MPP7: variants seen among roughly 807,000 people sequenced by gnomAD.
MPP7 encodes MAGUK p55 subfamily member 7.
In MPP7, 60 loss-of-function variants were observed where a neutral mutation model predicts 76.5. That is an observed-to-expected ratio of 0.78 (90% CI 0.64 to 0.97). MPP7 has a LOEUF of 0.97. Ranked by LOEUF, MPP7 falls within the 50% of genes least tolerant of loss-of-function variation. The probability of loss-of-function intolerance (pLI) is 0.00; values close to 1 mark genes in which losing one functional copy is unlikely to be tolerated. For synonymous variants in MPP7, 237 were observed against 244.5 expected (o/e 0.97, Z 0.29); for missense variants, 641 against 694.0 (o/e 0.92, Z 0.86).
At chr10:28,156,600 G>A (rs756280086) in intron 3 of MPP7, among the ~76,000 whole-genome samples, 2 of 152,140 alleles carry the variant, frequency 1.3e-5, no homozygotes, top group African/African-American at 2.4e-5. Flanking sequence ...CACAGGAAAG[G>A]CAGACAGTAA....
In MPP7 at chr10:28,173,227, GA is replaced by G. The variant is rs71523597; in HGVS notation, c.157-23169del. On this transcript the variant is annotated intron_variant, in intron 3 of 16. Coordinates refer to ENST00000683449, the MANE Select transcript of MPP7 (RefSeq NM_001318170.2). ...TCAGACTCAATAGGTGAGTAGCGAT[GA>G]AAAAAAAAAAAAAGACAAAAAGAAT... Among the ~76,000 whole-genome samples the G allele has an allele frequency of 4.9e-3, 571 of 116,446 alleles. 2 individuals are homozygous for G. Among genetic ancestry groups the G allele is most frequent in the Middle Eastern group, 0.019 (4 of 208 alleles). The allele number at this position is 116,446 out of a possible 152,430, so 76.4% of individuals were successfully genotyped here.
At chr10:28,313,738 G>T (rs1841302661) in intron 2 of MPP7, among the ~76,000 whole-genome samples, 1 of 152,018 alleles carries the variant, frequency 6.6e-6, no homozygotes, top group African/African-American at 2.4e-5. Context: ...CCAGGTTGGA[G>T]TACAGTGGCA....
chr10:28,057,847 T>C, intron 15 of MPP7: 1 of 1,246,348 alleles, frequency 8.0e-7, no homozygotes, highest in Non-Finnish European at 1.0e-6. Flanking sequence ...GAAACCATGG[T>C]CCCTGGGGGA....
At chr10:28,236,394 A>C (rs1474445882) in intron 2 of MPP7, among the ~76,000 whole-genome samples, 1 of 152,216 alleles carries the variant, frequency 6.6e-6, no homozygotes, top group Non-Finnish European at 1.5e-5. Context: ...ACACGGAAAT[A>C]TCTCTCCAAG....
At chr10:28,059,111 C>T (rs757873979) in intron 14 of MPP7, among the ~76,000 whole-genome samples, 3 of 152,190 alleles carry the variant, frequency 2.0e-5, no homozygotes, top group Non-Finnish European at 4.4e-5. Flanking sequence ...TGCATTAAAA[C>T]ACATATTGCT....
chr10:28,196,088 T>G (rs1046294940), intron 3 of MPP7, among the ~76,000 whole-genome samples: 2 of 152,204 alleles, frequency 1.3e-5, no homozygotes, highest in African/African-American at 4.8e-5. Context: ...ATTGCATATC[T>G]GAAATTCAAC....
intron 11 of MPP7, among the ~76,000 whole-genome samples, chr10:28,096,089 G>A (rs1853557694): frequency 6.6e-6 from 1 of 152,140 alleles, no homozygotes; most frequent in Non-Finnish European, 1.5e-5. Flanking sequence ...TTTGGTGAAA[G>A]TTAAAAATTT....
chr10:28,070,327 A>T (rs1852184224), intron 12 of MPP7, among the ~76,000 whole-genome samples: 2 of 152,162 alleles, frequency 1.3e-5, no homozygotes, highest in Admixed American at 6.5e-5. Context: ...TGAACCCGGG[A>T]GGCGGAGCTT....
At chr10:28,097,496 A>G (rs977412429) in intron 11 of MPP7, among the ~76,000 whole-genome samples, 3 of 152,098 alleles carry the variant, frequency 2.0e-5, no homozygotes, top group African/African-American at 7.2e-5. Flanking sequence ...GTTTAAGTAC[A>G]CTCTTCAGTG....
intron 1 of MPP7, among the ~76,000 whole-genome samples, chr10:28,257,122 C>T (rs1839810992): frequency 6.6e-6 from 1 of 152,168 alleles, no homozygotes; most frequent in Non-Finnish European, 1.5e-5. Context: ...CTACATCAAA[C>T]CTATCCCTTT....
At chr10:28,273,998 G>T (rs549129907) in intron 1 of MPP7, among the ~76,000 whole-genome samples, 76 of 151,914 alleles carry the variant, frequency 5.0e-4, no homozygotes, top group African/African-American at 1.8e-3. Context: ...GGTGGCTTAT[G>T]CCTATAATCC....
intron 1 of MPP7, among the ~76,000 whole-genome samples, chr10:28,291,313 A>G (rs1029156428): frequency 9.2e-5 from 14 of 152,258 alleles, no homozygotes; most frequent in Admixed American, 2.6e-4. Context: ...CTAGGGATTA[A>G]GACTGATATT....
At chr10:28,202,657 T>C (rs981972867) in intron 2 of MPP7, among the ~76,000 whole-genome samples, 2 of 152,176 alleles carry the variant, frequency 1.3e-5, no homozygotes, top group African/African-American at 4.8e-5. Context: ...AAAACTTCCT[T>C]AGAAGAACAG....
At chr10:28,065,842 C>T (rs1851969954) in intron 13 of MPP7, among the ~76,000 whole-genome samples, 4 of 152,036 alleles carry the variant, frequency 2.6e-5, no homozygotes, top group Admixed American at 2.6e-4. Context: ...TTCTGAGAAC[C>T]ACAGAAAGTG....
Position 28,089,839 on chromosome 10 carries a change from C to A in MPP7, c.955G>T (p.Gly319Cys). The change falls in exon 12 of 17, where the codon GGT becomes TGT. Residue 319 changes from glycine to cysteine, a missense_variant and splice_region_variant. By Grantham distance (159) the Gly-to-Cys change is radical. Coordinates refer to ENST00000683449, the MANE Select transcript of MPP7 (RefSeq NM_001318170.2). The stretch of plus-strand genomic sequence containing the variant: ...CTAAGACGAAAACTTTTTCTAAAAC[C>A]AGCTGCAAATATTAAAATAAATATA... ...PLKVSNRKSS[G>C]FRKSFRLSRK... is the part of the protein sequence containing the mutation. 1.4e-6 allele frequency: 2 copies of A among 1,423,094 alleles called. No homozygotes were observed. The highest frequency in any genetic ancestry group is 1.8e-5 in the Admixed American group (1 of 54,162). 88.2% of individuals were successfully genotyped at this position (1,423,094 alleles called of 1,614,324 possible). A position where few individuals can be genotyped will look rare whatever the true frequency, so the allele number is the denominator to read the frequency against.
intron 2 of MPP7, among the ~76,000 whole-genome samples, chr10:28,209,618 T>C (rs572784664): frequency 6.6e-6 from 1 of 152,340 alleles, no homozygotes; most frequent in African/African-American, 2.4e-5. Context: ...GTTTTTCTAA[T>C]ACAGATTTGA....
At chr10:28,080,777 T>C (rs1174099148) in intron 12 of MPP7, among the ~76,000 whole-genome samples, 1 of 152,204 alleles carries the variant, frequency 6.6e-6, no homozygotes, top group Non-Finnish European at 1.5e-5. Context: ...CATACAAGGG[T>C]TATAATTTTA....
chr10:28,207,428 G>A (rs11006918), intron 2 of MPP7, among the ~76,000 whole-genome samples: 10,755 of 152,132 alleles, frequency 0.071, 977 homozygotes, highest in East Asian at 0.43. Context: ...TGGGCACAGT[G>A]GCTCACTCCT....
intron 2 of MPP7, among the ~76,000 whole-genome samples, chr10:28,232,512 G>A (rs1400875716): frequency 1.3e-5 from 2 of 152,088 alleles, no homozygotes; most frequent in Non-Finnish European, 2.9e-5. Context: ...GCTTTATGGA[G>A]GTGTGCTAGG....
Sources: gnomAD v4.1 joint callset for allele counts (sites outside exome capture counted in the v4.1 genomes callset) on GRCh38, gnomAD v4.1.1 for gene constraint, MANE v1.5 for transcripts, NCBI Gene and HGNC (gene_info 2026-07-23, HGNC 2026-07-21) for gene names.